ARMC1: variants seen among roughly 807,000 people sequenced by gnomAD.
The protein encoded by ARMC1 is armadillo repeat-containing protein 1.
A neutral mutation model predicts 31.4 loss-of-function variants in ARMC1; 16 were observed. The ratio of observed to expected loss-of-function variants is 0.51; its 90% CI spans 0.34 to 0.77. The LOEUF (loss-of-function observed/expected upper bound fraction) is 0.77, where lower values mean the gene tolerates loss of function less well. ARMC1 is among the 30% of genes least tolerant of loss of function. The probability of loss-of-function intolerance (pLI) is 0.01; values close to 1 mark genes in which losing one functional copy is unlikely to be tolerated. For missense variants in ARMC1, 259 were observed against 347.5 expected, an observed-to-expected ratio of 0.75 and a Z score of 2.02; for synonymous variants, 114 against 118.9, an observed-to-expected ratio of 0.96 and a Z score of 0.27.
chr8:65,611,297 T>C (rs1808134867), intron 4 of ARMC1, among the ~76,000 whole-genome samples: 1 of 152,184 alleles, frequency 6.6e-6, no homozygotes, highest in Non-Finnish European at 1.5e-5. Flanking sequence ...CTGATATTGA[T>C]AATTTATGAC....
Position 65,613,264 on chromosome 8 carries a change from T to C in ARMC1, c.445A>G (p.Ile149Val), listed in dbSNP as rs1427830078. Residue 149 changes from isoleucine to valine, a missense_variant, in exon 4 of 7, where the codon ATA becomes GTA. By Grantham distance (29) the Ile-to-Val change is conservative (BLOSUM62 3). Around this residue, in one of 3 missense-constraint regions of ARMC1, gnomAD observed 163 missense variants for 186.7 expected, o/e 0.87. Transcript: ENST00000276569. ...NKRAKTVVLH[I>V]DGLDDTSRRN... ...CTTACCGTATCATCAAGGCCATCTA[T>C]ATGCAAAACCACTGTTTTGGCACGT... 4.4e-6 allele frequency: 7 copies of C among 1,608,062 alleles called. No individual in the cohort carries two copies. The highest frequency in any genetic ancestry group is 8.5e-7 in the Non-Finnish European group (1 of 1,178,314).
chr8:65,628,373 C>G (rs1299815283), intron 1 of ARMC1, among the ~76,000 whole-genome samples: 2 of 149,512 alleles, frequency 1.3e-5, no homozygotes, highest in African/African-American at 4.9e-5. Flanking sequence ...GCCTCAGCCT[C>G]CTAGCCACGC....
intron 4 of ARMC1, among the ~76,000 whole-genome samples, chr8:65,608,431 A>G (rs577686166): frequency 1.4e-3 from 207 of 152,210 alleles, no homozygotes; most frequent in African/African-American, 4.8e-3. Context: ...TGGGAGGCTG[A>G]GGCACGAGAA....
intron 3 of ARMC1, among the ~76,000 whole-genome samples, chr8:65,620,968 CAT>C (rs1291338683): frequency 6.6e-6 from 1 of 151,996 alleles, no homozygotes; most frequent in Non-Finnish European, 1.5e-5. Flanking sequence ...TATAATGGCA[CAT>C]GTCTGTAGTC....
At position 65,604,494 on chromosome 8, in the gene ARMC1, T is replaced by C; in HGVS notation, c.749A>G (p.Glu250Gly). The C allele has an allele frequency of 5.0e-6, 8 of 1,614,174 alleles. No individual in the cohort carries two copies. The highest frequency in any genetic ancestry group is 6.8e-6 in the Non-Finnish European group (8 of 1,180,030). ...YLPEDESPTK[E>G]QDKAVSRVGS... ...GACCCGGGACACCGCTTTGTCCTGT[T>C]CCTTTGTGGGACTCTCATCCTCAGG... The change falls in exon 7 of 7, where the codon GAA becomes GGA. Residue 250 changes from glutamate to glycine, a missense_variant. Transcript: ENST00000276569.
At chr8:65,610,711 A>T (rs1026328438) in intron 4 of ARMC1, among the ~76,000 whole-genome samples, 1 of 152,010 alleles carries the variant, frequency 6.6e-6, no homozygotes, top group African/African-American at 2.4e-5. Context: ...AAAAAAATTT[A>T]AAAACCAATG....
At chr8:65,607,231 G>T (rs1808024033) in intron 4 of ARMC1, among the ~76,000 whole-genome samples, 1 of 152,250 alleles carries the variant, frequency 6.6e-6, no homozygotes, top group East Asian at 1.9e-4. Context: ...CTCTGCAGGG[G>T]CCTGCATTTG....
chr8:65,609,842 A>G (rs1808085590), intron 4 of ARMC1, among the ~76,000 whole-genome samples: 1 of 137,752 alleles, frequency 7.3e-6, no homozygotes. Context: ...TGGGGGACAG[A>G]GCAAGACTCT....
intron 4 of ARMC1, among the ~76,000 whole-genome samples, 169 bp downstream of exon 4, chr8:65,613,075 A>G (rs1280275272): frequency 6.6e-6 from 1 of 152,178 alleles, no homozygotes; most frequent in Non-Finnish European, 1.5e-5. Context: ...AGGGACATAC[A>G]TATTTTAAAT....
At chr8:65,626,459 T>A (rs1004282695) in intron 2 of ARMC1, among the ~76,000 whole-genome samples, 14 of 138,920 alleles carry the variant, frequency 1.0e-4, no homozygotes, top group East Asian at 8.2e-4. Context: ...AAAAAAAAAA[T>A]TTATTTATAA....
chr8:65,602,880 GT>G lies in ARMC1; in HGVS notation c.*1513del. The G allele has an allele frequency of 6.8e-6, 1 of 146,944 alleles. No individual in the cohort carries two copies. The highest frequency in any genetic ancestry group is 2.5e-5 in the African/African-American group (1 of 40,110). The allele number at this position is 146,944 out of a possible 1,614,324, so 9.1% of individuals were successfully genotyped here. ...CACTTGAATCAGAAACCAAACACAT[GT>G]AAAAAAATATCATCCTCAATGCCCC... is the stretch of plus-strand genomic sequence containing the variant. On this transcript the variant is annotated 3_prime_UTR_variant, in exon 7 of 7. Transcript: ENST00000276569.
chr8:65,614,015 C>A (rs1459944116), intron 3 of ARMC1, among the ~76,000 whole-genome samples: 2 of 150,546 alleles, frequency 1.3e-5, no homozygotes, highest in African/African-American at 4.9e-5. Flanking sequence ...AATCAACTAA[C>A]AAGATCAGGT....
chr8:65,632,623 T>C (rs1368741231), intron 1 of ARMC1, among the ~76,000 whole-genome samples: 1 of 151,560 alleles, frequency 6.6e-6, no homozygotes, highest in East Asian at 1.9e-4. Flanking sequence ...AAAATAATAA[T>C]AATAGTAATA....
At chr8:65,610,265 T>A (rs1379593423) in intron 4 of ARMC1, among the ~76,000 whole-genome samples, 2 of 151,916 alleles carry the variant, frequency 1.3e-5, no homozygotes, top group South Asian at 2.1e-4. Flanking sequence ...ACCCTGCTTA[T>A]TTTTTGTATC....
At position 65,604,473 on chromosome 8, in the gene ARMC1, C is replaced by T. The variant is rs1320354143; in HGVS notation, c.770G>A (p.Arg257Gln). The T allele has an allele frequency of 5.0e-6, 8 of 1,614,040 alleles. No homozygotes were observed. The highest frequency in any genetic ancestry group is 5.1e-6 in the Non-Finnish European group (6 of 1,180,036). ...TCCACCTTCTGGGTGTGAGCCGACC[C>T]GGGACACCGCTTTGTCCTGTTCCTT... ...PTKEQDKAVS[R>Q]VGSHPEGGAS... The change falls in exon 7 of 7, where the codon CGG becomes CAG. Residue 257 changes from arginine to glutamine, a missense_variant. Transcript: ENST00000276569.
At chr8:65,612,007 T>C (rs550503871) in intron 4 of ARMC1, among the ~76,000 whole-genome samples, 49 of 152,158 alleles carry the variant, frequency 3.2e-4, no homozygotes, top group African/African-American at 1.1e-3. Flanking sequence ...CCTGACCTCA[T>C]GATCCATCCG....
At chr8:65,626,768 T>G (rs1808519331) in intron 2 of ARMC1, among the ~76,000 whole-genome samples, 1 of 152,016 alleles carries the variant, frequency 6.6e-6, no homozygotes, top group South Asian at 2.1e-4. Context: ...CAGCTGTAAT[T>G]CCAACACTTT....
At chr8:65,619,759 G>T (rs756194402) in intron 3 of ARMC1, among the ~76,000 whole-genome samples, 5 of 151,820 alleles carry the variant, frequency 3.3e-5, no homozygotes, top group Non-Finnish European at 5.9e-5. Context: ...TGAGACGGGC[G>T]GATCACCTGA....
chr8:65,607,759 G>A (rs1808035698), intron 4 of ARMC1, among the ~76,000 whole-genome samples: 1 of 152,062 alleles, frequency 6.6e-6, no homozygotes, highest in African/African-American at 2.4e-5. Flanking sequence ...AATTTAGGAA[G>A]AACTAACATC....
Sources: gnomAD v4.1 joint callset for allele counts (sites outside exome capture counted in the v4.1 genomes callset) on GRCh38, gnomAD v4.1.1 for gene constraint, gnomAD v4.1.1 regional missense constraint, MANE v1.5 for transcripts, NCBI Gene and HGNC (gene_info 2026-07-23, HGNC 2026-07-21) for gene names.